The following INSL6 variants were observed in gnomAD, a reference collection of about 807,000 sequenced individuals.
INSL6 encodes the protein insulin-like peptide INSL6.
INSL6 carries 16 observed loss-of-function variants against 9.4 expected under a neutral mutation model. That is an observed-to-expected ratio of 1.70 (90% CI 1.15 to 2.59). The LOEUF (loss-of-function observed/expected upper bound fraction) is 2.59. Among genes scored for constraint, INSL6 ranks in the 30% most tolerant of loss-of-function variants. The probability of loss-of-function intolerance (pLI) is 0.00; values close to 1 mark genes in which losing one functional copy is unlikely to be tolerated. For missense variants in INSL6, 391 were observed against 257.3 expected, an observed-to-expected ratio of 1.52 and a Z score of -3.56; for synonymous variants, 154 against 96.9, an observed-to-expected ratio of 1.59 and a Z score of -3.46.
At chr9:5,181,142 A>G (rs989967312) in intron 1 of INSL6, among the ~76,000 whole-genome samples, 8 of 152,218 alleles carry the variant, frequency 5.3e-5, no homozygotes, top group Non-Finnish European at 1.0e-4. Flanking sequence ...ACGCATCCCA[A>G]ATAAAATTCC....
the INSL6 span, among the ~76,000 whole-genome samples, chr9:5,064,159 G>A: frequency 6.7e-6 from 1 of 149,654 alleles, no homozygotes; most frequent in Non-Finnish European, 1.5e-5. Context: ...CTGACTGGGC[G>A]GGGGCCACAA....
chr9:5,126,498 A>C, intron 3 of INSL6: 1 of 1,246,586 alleles, frequency 8.0e-7, no homozygotes, highest in Non-Finnish European at 1.2e-6. Flanking sequence ...TTTACTTTTT[A>C]CTCAAGGACT....
At chr9:5,136,536 T>C (rs562988898) in intron 2 of INSL6, among the ~76,000 whole-genome samples, 9 of 152,306 alleles carry the variant, frequency 5.9e-5, no homozygotes, top group South Asian at 2.1e-4. Context: ...ATTATCTCAA[T>C]AGATGCAGAA....
At chr9:5,020,528 C>T in the INSL6 span, among the ~76,000 whole-genome samples, 707 of 152,054 alleles carry the variant, frequency 4.6e-3, 6 homozygotes, top group African/African-American at 0.016. Context: ...GGGGAGGGTG[C>T]AGTTGCTGTC....
At chr9:5,150,671 A>T (rs977652967) in intron 2 of INSL6, among the ~76,000 whole-genome samples, 1 of 152,092 alleles carries the variant, frequency 6.6e-6, no homozygotes, top group African/African-American at 2.4e-5. Flanking sequence ...GACTTCCCAG[A>T]AAACTAAAAA....
the INSL6 span, among the ~76,000 whole-genome samples, chr9:5,058,571 G>A: frequency 4.6e-5 from 7 of 152,170 alleles, no homozygotes; most frequent in Admixed American, 1.3e-4. Context: ...GTCATACCTA[G>A]AAGTAGAATT....
At chr9:5,073,825 C>T in the INSL6 span, 2 of 1,299,234 alleles carry the variant, frequency 1.5e-6, no homozygotes, top group Non-Finnish European at 1.1e-6. Flanking sequence ...TTTCTCAGAG[C>T]ATCTGTTTTT....
At chr9:5,116,154 G>A in the INSL6 span, among the ~76,000 whole-genome samples, 2 of 151,942 alleles carry the variant, frequency 1.3e-5, 1 homozygote, top group South Asian at 4.2e-4. Context: ...AACAACCCTT[G>A]GAGAACATGT....
At chr9:5,045,728 T>A in the INSL6 span, among the ~76,000 whole-genome samples, 18 of 152,340 alleles carry the variant, frequency 1.2e-4, no homozygotes, top group South Asian at 3.7e-3. Context: ...TTCATCCATG[T>A]TGTAGCATGT....
the INSL6 span, among the ~76,000 whole-genome samples, chr9:5,046,696 T>A: frequency 6.6e-6 from 1 of 152,180 alleles, no homozygotes; most frequent in Admixed American, 6.5e-5. Flanking sequence ...TGAAAATCAT[T>A]TGACCACCAA....
the INSL6 span, among the ~76,000 whole-genome samples, chr9:5,005,407 G>C: frequency 6.6e-6 from 1 of 151,888 alleles, no homozygotes; most frequent in African/African-American, 2.4e-5. Flanking sequence ...CTGTTTTATA[G>C]GTTGTCCCTT....
At chr9:5,179,796 G>T (rs137910722) in intron 1 of INSL6, among the ~76,000 whole-genome samples, 1 of 152,156 alleles carries the variant, frequency 6.6e-6, no homozygotes, top group Admixed American at 6.5e-5. Context: ...TGAACGATGA[G>T]AACACATGGA....
chr9:5,072,611 C>T, the INSL6 span: 2 of 1,605,958 alleles, frequency 1.2e-6, no homozygotes, highest in Non-Finnish European at 1.7e-6. Context: ...ATAAAGCACA[C>T]AGAAACTATT....
chr9:5,009,969 C>T, the INSL6 span, among the ~76,000 whole-genome samples: 57 of 152,252 alleles, frequency 3.7e-4, no homozygotes, highest in South Asian at 0.011. Flanking sequence ...GACAGGGTCT[C>T]GCAATGTTGC....
At chr9:5,122,720 A>G (rs1030477109), downstream of INSL6, among the ~76,000 whole-genome samples, 6 of 151,992 alleles carry the variant, frequency 3.9e-5, no homozygotes, top group African/African-American at 1.4e-4. Context: ...CTAAAGTTAC[A>G]TACTCCCAGA....
At chr9:5,087,370 G>A in the INSL6 span, among the ~76,000 whole-genome samples, 1 of 152,128 alleles carries the variant, frequency 6.6e-6, no homozygotes, top group African/African-American at 2.4e-5. Flanking sequence ...GAAACCACCC[G>A]CATGATTCAG....
At chr9:5,079,160 G>A in the INSL6 span, among the ~76,000 whole-genome samples, 22 of 152,320 alleles carry the variant, frequency 1.4e-4, no homozygotes, top group African/African-American at 5.3e-4. Context: ...GGAGTAGGGA[G>A]TATGGCAGAA....
the INSL6 span, among the ~76,000 whole-genome samples, chr9:5,010,718 C>G: frequency 1.3e-5 from 2 of 152,278 alleles, no homozygotes; most frequent in East Asian, 3.9e-4. Flanking sequence ...TTTCTGTAAA[C>G]CTGAGTTTAC....
At chr9:5,082,444 C>G in the INSL6 span, among the ~76,000 whole-genome samples, 7 of 152,354 alleles carry the variant, frequency 4.6e-5, no homozygotes, top group Admixed American at 2.6e-4. Context: ...TGTCTCGCCT[C>G]CCGCCACAGG....
Sources: allele counts gnomAD v4.1 joint callset (sites outside exome capture counted in the v4.1 genomes callset), GRCh38; gene constraint gnomAD v4.1.1; transcripts MANE v1.5; gene names NCBI Gene and HGNC (gene_info 2026-07-23, HGNC 2026-07-21).